The following LUZP2 variants were observed in gnomAD, a reference collection of about 807,000 sequenced individuals.
LUZP2 encodes the protein leucine zipper protein 2.
LUZP2 carries 52 observed loss-of-function variants against 51.6 expected under a neutral mutation model. That is an observed-to-expected ratio of 1.01 (90% CI 0.81 to 1.27). LUZP2 has a LOEUF of 1.27. LUZP2 is among the 50% of genes most tolerant of loss of function. LUZP2 has a pLI of 0.00. For synonymous variants in LUZP2, 154 were observed against 137.3 expected (o/e 1.12, Z -0.85); for missense variants, 436 against 395.4 (o/e 1.10, Z -0.87).
chr11:24,660,755 T>G (rs1855993340), intron 1 of LUZP2, among the ~76,000 whole-genome samples: 1 of 152,192 alleles, frequency 6.6e-6, no homozygotes, highest in Non-Finnish European at 1.5e-5. Flanking sequence ...TTTTTTAACC[T>G]GCTGGATGCA....
At chr11:24,599,472 A>G (rs1036837445) in intron 1 of LUZP2, among the ~76,000 whole-genome samples, 3 of 152,140 alleles carry the variant, frequency 2.0e-5, no homozygotes, top group Admixed American at 2.0e-4. Context: ...TTTATTTGCA[A>G]TTGACAACCC....
intron 1 of LUZP2, among the ~76,000 whole-genome samples, chr11:24,543,173 A>T (rs928276255): frequency 1.3e-5 from 2 of 150,484 alleles, no homozygotes; most frequent in Non-Finnish European, 2.9e-5. Flanking sequence ...ATTTGTATAT[A>T]AGAAAACTGA....
chr11:25,005,610 T>TGGTTTTGG (rs1474369415), intron 9 of LUZP2, among the ~76,000 whole-genome samples: 1 of 152,072 alleles, frequency 6.6e-6, no homozygotes, highest in Non-Finnish European at 1.5e-5. Flanking sequence ...AAACCACCCA[T>TGGTTTTGG]GGTTTTGGTT....
At chr11:24,602,253 T>C (rs1051388817) in intron 1 of LUZP2, among the ~76,000 whole-genome samples, 16 of 88,958 alleles carry the variant, frequency 1.8e-4, no homozygotes, top group African/African-American at 5.9e-4. Context: ...TGTATATATA[T>C]GCAAACATAT....
At chr11:24,666,310 G>A (rs1856210374) in intron 1 of LUZP2, among the ~76,000 whole-genome samples, 1 of 152,172 alleles carries the variant, frequency 6.6e-6, no homozygotes, top group Non-Finnish European at 1.5e-5. Context: ...AAAGAGCACA[G>A]AAGAAATACA....
rs1034213534 is a variant in LUZP2 at position 24,745,731 on chromosome 11, G to A, written c.333+7429G>A. ...CTTGCTCTGTCACCCAGGCTGAAGTGCAGTGGCACAATCTTGGCTCACTGC... is the reference window on the plus strand; with the variant it reads ...CTTGCTCTGTCACCCAGGCTGAAGTACAGTGGCACAATCTTGGCTCACTGC... On this transcript the variant is annotated intron_variant, in intron 4 of 11. Coordinates refer to ENST00000336930, the MANE Select transcript of LUZP2 (RefSeq NM_001009909.4). Among the ~76,000 whole-genome samples, 3 of 152,122 alleles carry A rather than the reference G, an allele frequency of 2.0e-5. No individual in the cohort carries two copies. The South Asian group carries it at 6.2e-4, about 32-fold the overall frequency.
In LUZP2 at chr11:24,506,027, A is replaced by G. The variant is rs377339486; in HGVS notation, c.62+8722A>G. ...CAGGACTAAATGTGTAAATCATAAA[A>G]CAAGGACAGCGTAACATTAACAAGA... On this transcript the variant is annotated intron_variant, in intron 1 of 11. Transcript: ENST00000336930. 4.3e-4 allele frequency among the ~76,000 whole-genome samples: 65 copies of G among 152,268 alleles called. 1 individual carries two copies. In the South Asian group the frequency reaches 0.013, roughly 30 times the overall value.
At chr11:24,992,111 A>G (rs1856365966) in intron 9 of LUZP2, among the ~76,000 whole-genome samples, 1 of 151,892 alleles carries the variant, frequency 6.6e-6, no homozygotes, top group Admixed American at 6.6e-5. Context: ...GGCATTTGTG[A>G]AAAATTTAAC....
At chr11:24,578,188 T>C (rs1852721680) in intron 1 of LUZP2, among the ~76,000 whole-genome samples, 1 of 152,136 alleles carries the variant, frequency 6.6e-6, no homozygotes, top group African/African-American at 2.4e-5. Flanking sequence ...TAAAATTACT[T>C]ATTTCTTGAG....
At chr11:24,574,310 TTCCC>T (rs149732465) in intron 1 of LUZP2, among the ~76,000 whole-genome samples, 75,666 of 77,874 alleles carry the variant, frequency 0.97, 36,909 homozygotes, top group East Asian at 1. Flanking sequence ...TCTTTTTCTT[TTCCC>T]TCCCTCCCTC....
intron 5 of LUZP2, among the ~76,000 whole-genome samples, chr11:24,814,218 A>C (rs983180708): frequency 5.3e-5 from 8 of 152,212 alleles, no homozygotes; most frequent in Non-Finnish European, 1.2e-4. Context: ...TAATTCTGAC[A>C]CATAGTAGAA....
Position 24,551,810 on chromosome 11 carries a change from A to G in LUZP2, c.62+54505A>G, listed in dbSNP as rs1385902504. ...AAAATTGCTAAGTTCCTGCAAAAAC[A>G]TGCAATACTAGAATTAGCTCAAGGA... On this transcript the variant is annotated intron_variant, in intron 1 of 11. Coordinates refer to ENST00000336930, the MANE Select transcript of LUZP2 (RefSeq NM_001009909.4). 2.0e-5 allele frequency among the ~76,000 whole-genome samples: 3 copies of G among 152,082 alleles called. No individual in the cohort carries two copies. In the East Asian group the frequency reaches 5.8e-4, roughly 29 times the overall value.
chr11:24,731,626 G>T (rs377480490), intron 2 of LUZP2, among the ~76,000 whole-genome samples: 2 of 151,472 alleles, frequency 1.3e-5, no homozygotes. Flanking sequence ...TTGTTTTTTT[G>T]TGTGTGTCTT....
chr11:24,895,674 G>T (rs1307976523), intron 5 of LUZP2, among the ~76,000 whole-genome samples: 2 of 152,164 alleles, frequency 1.3e-5, no homozygotes, highest in Non-Finnish European at 1.5e-5. Flanking sequence ...CTATTTTGCT[G>T]CAAAGGACAA....
intron 10 of LUZP2, among the ~76,000 whole-genome samples, chr11:25,052,808 T>A (rs1715116822): frequency 6.6e-6 from 1 of 152,088 alleles, no homozygotes; most frequent in Non-Finnish European, 1.5e-5. Context: ...TCTACCTTTA[T>A]ATTTTGTCTA....
At chr11:24,748,840 G>A (rs951058883) in intron 4 of LUZP2, among the ~76,000 whole-genome samples, 3 of 152,078 alleles carry the variant, frequency 2.0e-5, no homozygotes, top group Non-Finnish European at 2.9e-5. Context: ...ATACACATAC[G>A]TAAGGGAATA....
intron 9 of LUZP2, among the ~76,000 whole-genome samples, chr11:25,033,772 G>A (rs1167845994): frequency 6.6e-6 from 1 of 151,880 alleles, no homozygotes; most frequent in East Asian, 1.9e-4. Flanking sequence ...TTTTTTTATG[G>A]CAGTGTGGTG....
At chr11:24,684,675 C>T (rs1856844332) in intron 1 of LUZP2, among the ~76,000 whole-genome samples, 1 of 152,216 alleles carries the variant, frequency 6.6e-6, no homozygotes, top group African/African-American at 2.4e-5. Context: ...GAGGACAACT[C>T]TGAAGTGCCT....
intron 1 of LUZP2, among the ~76,000 whole-genome samples, chr11:24,639,629 T>G (rs1855215824): frequency 6.6e-6 from 1 of 151,798 alleles, no homozygotes; most frequent in Non-Finnish European, 1.5e-5. Context: ...TTTTGTATTT[T>G]TAGTAGAGAC....
Sources: allele counts gnomAD v4.1 joint callset (sites outside exome capture counted in the v4.1 genomes callset), GRCh38; gene constraint gnomAD v4.1.1; transcripts MANE v1.5; gene names NCBI Gene and HGNC (gene_info 2026-07-23, HGNC 2026-07-21).